Variants in DTNA observed in about 807,000 individuals in gnomAD.
The protein encoded by DTNA is dystrobrevin alpha.
A neutral mutation model predicts 100.7 loss-of-function variants in DTNA; 43 were observed. That is an observed-to-expected ratio of 0.43 (90% CI 0.33 to 0.55). The LOEUF (loss-of-function observed/expected upper bound fraction) is 0.55, where lower values mean the gene tolerates loss of function less well. DTNA is among the 20% of genes least tolerant of loss of function. The probability of loss-of-function intolerance (pLI) is 0.04; values close to 1 mark genes in which losing one functional copy is unlikely to be tolerated. For synonymous variants in DTNA, 349 were observed against 347.9 expected (o/e 1.00, Z -0.04); for missense variants, 798 against 953.9 (o/e 0.84, Z 2.15).
intron 8 of DTNA, among the ~76,000 whole-genome samples, chr18:34,819,379 C>A (rs761172777): frequency 4.6e-5 from 7 of 152,178 alleles, no homozygotes; most frequent in Non-Finnish European, 1.0e-4. Flanking sequence ...GAAGAGTATA[C>A]TGAGAACTTG....
intron 1 of DTNA, among the ~76,000 whole-genome samples, chr18:34,609,534 G>A (rs2053826727): frequency 6.6e-6 from 1 of 152,216 alleles, no homozygotes. Context: ...GTGAGCCACC[G>A]CGCCTGGCCA....
chr18:34,751,252 T>G, intron 1 of DTNA, among the ~76,000 whole-genome samples: 1 of 152,238 alleles, frequency 6.6e-6, no homozygotes, highest in East Asian at 1.9e-4. Context: ...CTCTCTTAAA[T>G]CAATGCTTTA....
intron 3 of DTNA, among the ~76,000 whole-genome samples, chr18:34,783,419 G>T (rs1429162605): frequency 2.6e-5 from 4 of 152,136 alleles, no homozygotes; most frequent in Admixed American, 6.5e-5. Context: ...TTTCATGAAG[G>T]TTTATTACAT....
rs766714805 is a variant in DTNA, at chr18:34,838,146, G to A, written c.1228G>A (p.Ala410Thr). The stretch of plus-strand genomic sequence containing the variant: ...GCAGAACAAACTGCTGGCTAGGGCT[G>A]CTCCAGCTTTTCTGAAGGGCAAAGG... The part of the protein sequence containing the change: ...VEQNKLLARA[A>T]PAFLKGKGIQ... The change falls in exon 12 of 23, where the codon GCT becomes ACT. Residue 410 changes from alanine (A) to threonine (T), a missense_variant. Physicochemically the swap from Ala to Thr is moderately conservative, Grantham distance 58. Coordinates refer to ENST00000444659, the MANE Select transcript of DTNA (RefSeq NM_001386795.1). 6.2e-7 allele frequency: 1 copy of A among 1,613,724 alleles called. No individual in the cohort carries two copies. The highest frequency in any genetic ancestry group is 1.3e-5 in the African/African-American group (1 of 74,910).
intron 1 of DTNA, among the ~76,000 whole-genome samples, chr18:34,527,201 T>C (rs533250411): frequency 6.6e-6 from 1 of 152,120 alleles, no homozygotes; most frequent in South Asian, 2.1e-4. Context: ...TTGGATCTAG[T>C]AGGTAATATC....
chr18:34,828,271 T>A (rs901980692), intron 10 of DTNA, among the ~76,000 whole-genome samples: 2 of 152,194 alleles, frequency 1.3e-5, no homozygotes, highest in African/African-American at 4.8e-5. Flanking sequence ...AAGCAAATAT[T>A]TCTCTAAGAG....
intron 1 of DTNA, chr18:34,755,723 C>G (rs2092722026): frequency 6.6e-6 from 3 of 453,998 alleles, no homozygotes; most frequent in Non-Finnish European, 8.1e-6. Flanking sequence ...AGGTCATTTG[C>G]TACAGTAGTT....
chr18:34,649,119 A>G (rs2060164327), intron 1 of DTNA, among the ~76,000 whole-genome samples: 1 of 152,156 alleles, frequency 6.6e-6, no homozygotes, highest in Non-Finnish European at 1.5e-5. Context: ...AAGGCTGGAA[A>G]TTTGATGTTT....
intron 1 of DTNA, among the ~76,000 whole-genome samples, chr18:34,494,746 A>T (rs984355930): frequency 6.6e-6 from 1 of 152,078 alleles, no homozygotes; most frequent in South Asian, 2.1e-4. Context: ...TTCTTATTCT[A>T]AAAAAATTGT....
intron 1 of DTNA, among the ~76,000 whole-genome samples, chr18:34,728,451 G>A (rs971347983): frequency 6.6e-6 from 1 of 151,872 alleles, no homozygotes; most frequent in Admixed American, 6.6e-5. Context: ...TACATGAAAA[G>A]TAAAATTTCC....
At chr18:34,856,546 C>T (rs1399461743) in intron 15 of DTNA, among the ~76,000 whole-genome samples, 1 of 152,156 alleles carries the variant, frequency 6.6e-6, no homozygotes, top group Admixed American at 6.5e-5. Context: ...TTGGCTAGAC[C>T]TAGCAAAGCA....
intron 1 of DTNA, among the ~76,000 whole-genome samples, chr18:34,719,263 G>A (rs1039096420): frequency 5.3e-5 from 8 of 152,106 alleles, no homozygotes; most frequent in Admixed American, 5.2e-4. Context: ...AGAATCACTT[G>A]AACCAGGGAG....
At chr18:34,642,599 G>A (rs941947119) in intron 1 of DTNA, among the ~76,000 whole-genome samples, 14 of 150,172 alleles carry the variant, frequency 9.3e-5, no homozygotes, top group Admixed American at 3.3e-4. Flanking sequence ...TCGCTCTGTT[G>A]CCAGGCTGGA....
At chr18:34,685,520 C>T (rs1432070077) in intron 1 of DTNA, among the ~76,000 whole-genome samples, 1 of 152,160 alleles carries the variant, frequency 6.6e-6, no homozygotes, top group African/African-American at 2.4e-5. Flanking sequence ...GTACCAGTAC[C>T]ATGCTGTCTT....
At chr18:34,758,975 G>A (rs1309537370) in intron 2 of DTNA, among the ~76,000 whole-genome samples, 1 of 152,082 alleles carries the variant, frequency 6.6e-6, no homozygotes, top group Non-Finnish European at 1.5e-5. Flanking sequence ...GGAAGAAACA[G>A]CAAAGAAATG....
Position 34,763,978 on chromosome 18 carries a change from G to A in DTNA, c.68-1983G>A, listed in dbSNP as rs577729669. ...ATAATTTTCAGATGGTAATGAGGAT[G>A]CTAATAATGATAATGTAGCTGCTTT... On this transcript the variant is annotated intron_variant, in intron 2 of 22. Transcript: ENST00000444659. Among the ~76,000 whole-genome samples the A allele has an allele frequency of 3.9e-5, 6 of 152,270 alleles. No homozygotes were observed. In the South Asian group the frequency reaches 1.2e-3, roughly 32 times the overall value.
chr18:34,848,654 A>G (rs972083482), intron 14 of DTNA, among the ~76,000 whole-genome samples: 2 of 152,008 alleles, frequency 1.3e-5, no homozygotes, highest in Non-Finnish European at 2.9e-5. Context: ...TCAACCCCAT[A>G]TGAAGTCCCA....
At chr18:34,664,347 T>G (rs2075613932) in intron 1 of DTNA, among the ~76,000 whole-genome samples, 1 of 152,142 alleles carries the variant, frequency 6.6e-6, no homozygotes, top group African/African-American at 2.4e-5. Flanking sequence ...TTATGTCACA[T>G]GTAATGGGTT....
intron 1 of DTNA, among the ~76,000 whole-genome samples, chr18:34,744,672 T>C (rs892352639): frequency 1.9e-4 from 29 of 152,096 alleles, no homozygotes; most frequent in African/African-American, 6.5e-4. Context: ...ATAGGCACTT[T>C]CGGCTCACAG....
Sources: allele counts gnomAD v4.1 joint callset (sites outside exome capture counted in the v4.1 genomes callset), GRCh38; gene constraint gnomAD v4.1.1; transcripts MANE v1.5; gene names NCBI Gene and HGNC (gene_info 2026-07-23, HGNC 2026-07-21).